CACHD1: variants seen among roughly 807,000 people sequenced by gnomAD.
CACHD1 encodes the protein VWFA and cache domain-containing protein 1.
CACHD1 carries 71 observed loss-of-function variants against 138.7 expected under a neutral mutation model. The observed-to-expected ratio is 0.51, with a 90% confidence interval of 0.42 to 0.62. CACHD1 has a LOEUF of 0.62. Among genes scored for constraint, CACHD1 ranks in the 20% least tolerant of loss-of-function variants. The pLI is 0.00. For synonymous variants in CACHD1, 578 were observed against 591.5 expected (o/e 0.98, Z 0.33); for missense variants, 1,389 against 1,625.3 (o/e 0.85, Z 2.50).
At chr1:64,566,569 A>G (rs888209843) in intron 2 of CACHD1, among the ~76,000 whole-genome samples, 4 of 138,166 alleles carry the variant, frequency 2.9e-5, no homozygotes, top group African/African-American at 1.0e-4. Context: ...TCCTTCCCCT[A>G]GCAATTCCTC....
chr1:64,641,793 G>A lies in CACHD1; in HGVS notation c.1007-27G>A, dbSNP rs79841619. The stretch of plus-strand genomic sequence containing the variant: ...TGCCTTTAGCTGGAATCCAAAGAGA[G>A]CATTCAATTGATGTGTTTTTGTTTA... On this transcript the variant is annotated intron_variant, in intron 7 of 26. Coordinates refer to ENST00000651257, the MANE Select transcript of CACHD1 (RefSeq NM_020925.4). 2,502 of 1,487,686 alleles carry A rather than the reference G, an allele frequency of 1.7e-3. 41 individuals are homozygous for A. In the African/African-American group the frequency reaches 0.033, roughly 20 times the overall value. The allele number at this position is 1,487,686 out of a possible 1,614,324, so 92.2% of individuals were successfully genotyped here.
intron 1 of CACHD1, among the ~76,000 whole-genome samples, chr1:64,514,030 TAAA>T (rs1646440937): frequency 6.6e-6 from 1 of 152,204 alleles, no homozygotes; most frequent in South Asian, 2.1e-4. Context: ...TCCTGTCTCT[TAAA>T]AAACAATTGG....
intron 16 of CACHD1, among the ~76,000 whole-genome samples, chr1:64,668,484 C>T (rs937674456): frequency 3.3e-5 from 5 of 152,204 alleles, no homozygotes; most frequent in African/African-American, 1.2e-4. Context: ...TGCCACTGCA[C>T]TCCAGCCTGG....
intron 1 of CACHD1, among the ~76,000 whole-genome samples, chr1:64,547,865 A>G (rs1646729746): frequency 6.6e-6 from 1 of 152,342 alleles, no homozygotes; most frequent in South Asian, 2.1e-4. Flanking sequence ...CTATAACCTA[A>G]CACATCCCCT....
At position 64,501,372 on chromosome 1, in the gene CACHD1, G is replaced by T. The variant is rs903026308; in HGVS notation, c.198+30430G>T. ...TCTACCAGCTCTATCTTTATTTTAT[G>T]TATCATTTCTCTCGGGATAAAACCA... On this transcript the variant is annotated intron_variant, in intron 1 of 26. Coordinates refer to ENST00000651257, the MANE Select transcript of CACHD1 (RefSeq NM_020925.4). Among the ~76,000 whole-genome samples the T allele has an allele frequency of 6.6e-5, 10 of 152,242 alleles. No individual in the cohort carries two copies. The East Asian group carries it at 1.2e-3, about 18-fold the overall frequency.
intron 7 of CACHD1, among the ~76,000 whole-genome samples, chr1:64,640,714 C>G (rs966098913): frequency 2.0e-5 from 3 of 150,932 alleles, no homozygotes; most frequent in African/African-American, 7.4e-5. Flanking sequence ...CACACACACA[C>G]ACACACACAC....
intron 4 of CACHD1, among the ~76,000 whole-genome samples, chr1:64,610,568 C>T (rs1164791978): frequency 1.3e-5 from 2 of 152,244 alleles, no homozygotes; most frequent in East Asian, 1.9e-4. Context: ...AAATGATCTC[C>T]TTTGACTAGA....
At chr1:64,625,049 G>T (rs1648047832) in intron 4 of CACHD1, among the ~76,000 whole-genome samples, 1 of 152,184 alleles carries the variant, frequency 6.6e-6, no homozygotes, top group Non-Finnish European at 1.5e-5. Context: ...AGACCTTATG[G>T]TCTGCAAAGC....
At chr1:64,510,481 A>C (rs1473741390) in intron 1 of CACHD1, among the ~76,000 whole-genome samples, 1 of 152,182 alleles carries the variant, frequency 6.6e-6, no homozygotes, top group Non-Finnish European at 1.5e-5. Context: ...TGGAGAAAAA[A>C]AGAGGGTCCA....
At chr1:64,634,003 A>G (rs1196307206) in intron 6 of CACHD1, 41 bp from the exon 7 acceptor site, 1 of 1,489,286 alleles carries the variant, frequency 6.7e-7, no homozygotes, top group Admixed American at 1.9e-5. Flanking sequence ...AGACGGTAGG[A>G]TAACAAGTTT....
intron 1 of CACHD1, among the ~76,000 whole-genome samples, chr1:64,518,163 G>A (rs1363294759): frequency 6.6e-6 from 1 of 152,202 alleles, no homozygotes; most frequent in Non-Finnish European, 1.5e-5. Context: ...GAGCTTAAGT[G>A]TAGTAATTTG....
chr1:64,505,242 A>G (rs1378997511), intron 1 of CACHD1, among the ~76,000 whole-genome samples: 1 of 152,170 alleles, frequency 6.6e-6, no homozygotes, highest in Non-Finnish European at 1.5e-5. Flanking sequence ...GAAAGGAACA[A>G]GATACAGGAG....
At position 64,651,960 on chromosome 1, in the gene CACHD1, G is replaced by T. The variant is rs368615659; in HGVS notation, c.1391-201G>T. Among the ~76,000 whole-genome samples, 10 of 152,014 alleles carry T rather than the reference G, an allele frequency of 6.6e-5. 1 individual carries two copies. The highest frequency in any genetic ancestry group is 5.2e-4 in the Admixed American group (8 of 15,280). On this transcript the variant is annotated intron_variant, in intron 9 of 26. Transcript: ENST00000651257. ...TGCGCTATCTGAGCTGCCAAAGGAC[G>T]CTCTTTCCCTCCCACTCTAACTCAT...
chr1:64,478,268 T>C (rs1034802754), intron 1 of CACHD1, among the ~76,000 whole-genome samples: 1 of 152,162 alleles, frequency 6.6e-6, no homozygotes, highest in African/African-American at 2.4e-5. Context: ...TGTCCCTAAT[T>C]GTGCTGTCTG....
At chr1:64,477,584 GATTATTATTATTATT>G (rs10701038) in intron 1 of CACHD1, among the ~76,000 whole-genome samples, 336 of 136,136 alleles carry the variant, frequency 2.5e-3, no homozygotes, top group African/African-American at 8.9e-3. Context: ...CTTCCCCCCA[GATTATTATTATTATT>G]ATTATTATTA....
At chr1:64,643,421 T>A (rs1648793974) in intron 8 of CACHD1, among the ~76,000 whole-genome samples, 1 of 152,214 alleles carries the variant, frequency 6.6e-6, no homozygotes, top group Non-Finnish European at 1.5e-5. Context: ...CTTAATCTCT[T>A]TAGACTGCAG....
At chr1:64,644,390 A>C (rs543250729) in intron 8 of CACHD1, among the ~76,000 whole-genome samples, 189 of 152,372 alleles carry the variant, frequency 1.2e-3, no homozygotes, top group African/African-American at 4.3e-3. Context: ...AGATAGGTAG[A>C]CATGGAAGAT....
At chr1:64,537,371 G>A (rs145924794) in intron 1 of CACHD1, among the ~76,000 whole-genome samples, 8 of 152,198 alleles carry the variant, frequency 5.3e-5, no homozygotes, top group East Asian at 3.9e-4. Flanking sequence ...TGGCGTGTGC[G>A]TCCAAAACCT....
chr1:64,643,426 C>A (rs1037633404), intron 8 of CACHD1, among the ~76,000 whole-genome samples: 2 of 152,206 alleles, frequency 1.3e-5, no homozygotes, highest in African/African-American at 4.8e-5. Context: ...TCTCTTTAGA[C>A]TGCAGTTTTA....
Sources: allele counts gnomAD v4.1 joint callset (sites outside exome capture counted in the v4.1 genomes callset), GRCh38; gene constraint gnomAD v4.1.1; transcripts MANE v1.5; gene names NCBI Gene and HGNC (gene_info 2026-07-23, HGNC 2026-07-21).